The following CCDC146 variants were observed in gnomAD, a reference collection of about 807,000 sequenced individuals.
CCDC146 encodes coiled-coil domain-containing protein 146.
Under a neutral mutation model 119.3 loss-of-function variants are expected in CCDC146, and 92 were observed. The ratio of observed to expected loss-of-function variants is 0.77; its 90% CI spans 0.65 to 0.92. The LOEUF (loss-of-function observed/expected upper bound fraction) is 0.92, where lower values mean the gene tolerates loss of function less well. Among genes scored for constraint, CCDC146 ranks in the 40% least tolerant of loss-of-function variants. CCDC146 has a pLI of 0.00. For missense variants in CCDC146, 1,000 were observed against 1,103.0 expected (o/e 0.91, Z 1.32); for synonymous variants, 372 against 371.8 (o/e 1.00, Z -0.01).
intron 4 of CCDC146, among the ~76,000 whole-genome samples, chr7:77,245,071 A>AT (rs970471476): frequency 6.6e-6 from 1 of 152,166 alleles, no homozygotes; most frequent in Non-Finnish European, 1.5e-5. Context: ...AATTTTGTCA[A>AT]TTTTTTTGTG....
intron 11 of CCDC146, among the ~76,000 whole-genome samples, chr7:77,274,886 G>T (rs929408956): frequency 1.3e-5 from 2 of 152,160 alleles, no homozygotes; most frequent in African/African-American, 4.8e-5. Context: ...TGTGGGGTGA[G>T]GGGAGCGGGG....
intron 2 of CCDC146, among the ~76,000 whole-genome samples, chr7:77,212,205 T>A (rs1034181960): frequency 6.6e-6 from 1 of 152,192 alleles, no homozygotes; most frequent in African/African-American, 2.4e-5. Context: ...ATTTTCAAAA[T>A]AAATATACAA....
rs569471735 is a variant in CCDC146, at chr7:77,195,174, C to G, written c.156+27350C>G. The G allele has an allele frequency of 5.9e-5, 9 of 151,356 alleles. No individual in the cohort carries two copies. The South Asian group carries it at 1.3e-3, about 21-fold the overall frequency. 9.4% of individuals were successfully genotyped at this position (151,356 alleles called of 1,614,324 possible). A position where few individuals can be genotyped will look rare whatever the true frequency, so the allele number is the denominator to read the frequency against. ...CCCACATATCCCTACCCACCCCCCC[C>G]AAAAAAACCTACCAGTAGTCTAGTA... On this transcript the variant is annotated intron_variant, in intron 2 of 18. Transcript: ENST00000285871.
intron 14 of CCDC146, 73 bp downstream of exon 14, chr7:77,280,726 T>A (rs1793747609): frequency 1.0e-6 from 1 of 1,002,854 alleles, no homozygotes; most frequent in Admixed American, 2.4e-5. Flanking sequence ...TATCTAGACT[T>A]GACAGTGAAT....
intron 1 of CCDC146, among the ~76,000 whole-genome samples, chr7:77,153,092 A>G (rs1791129700): frequency 6.6e-6 from 1 of 152,202 alleles, no homozygotes; most frequent in African/African-American, 2.4e-5. Context: ...ATCCTGGTAG[A>G]CTAAGTCAAA....
chr7:77,243,104 A>G (rs1483072618), intron 4 of CCDC146, among the ~76,000 whole-genome samples: 1 of 152,254 alleles, frequency 6.6e-6, no homozygotes, highest in African/African-American at 2.4e-5. Context: ...GTTCATTAGC[A>G]TTGAAAATAT....
intron 1 of CCDC146, among the ~76,000 whole-genome samples, chr7:77,129,243 C>G (rs1266571455): frequency 6.6e-6 from 1 of 152,106 alleles, no homozygotes; most frequent in Non-Finnish European, 1.5e-5. Context: ...CTACCCTACC[C>G]ACCCAATTGT....
At chr7:77,139,612 T>C (rs1438626499) in intron 1 of CCDC146, among the ~76,000 whole-genome samples, 2 of 152,114 alleles carry the variant, frequency 1.3e-5, no homozygotes, top group Non-Finnish European at 2.9e-5. Flanking sequence ...TATGCACATA[T>C]GGGAACAAGG....
Position 77,147,147 on chromosome 7 carries a change from CA to C in CCDC146, c.-11-20510del, listed in dbSNP as rs1791033962. ...TTTCTCTAAACTTCTGTTCTTACTT[CA>C]TTTCATTCATTTGATCTTCAATCAC... is the stretch of plus-strand genomic sequence containing the variant. On this transcript the variant is annotated intron_variant, in intron 1 of 18. Transcript: ENST00000285871. 3.3e-5 allele frequency among the ~76,000 whole-genome samples: 5 copies of C among 152,312 alleles called. No individual in the cohort carries two copies. In the South Asian group the frequency reaches 1.0e-3, roughly 32 times the overall value.
chr7:77,147,851 G>T (rs529506753), intron 1 of CCDC146, among the ~76,000 whole-genome samples: 1 of 152,350 alleles, frequency 6.6e-6, no homozygotes, highest in African/African-American at 2.4e-5. Context: ...AGGCTACTCG[G>T]AGGTCAGGGA....
At chr7:77,237,685 A>G (rs1014061464) in intron 3 of CCDC146, among the ~76,000 whole-genome samples, 3 of 152,104 alleles carry the variant, frequency 2.0e-5, no homozygotes, top group African/African-American at 7.2e-5. Flanking sequence ...TCCCCATATC[A>G]CAAGCTACTT....
intron 1 of CCDC146, among the ~76,000 whole-genome samples, chr7:77,137,122 A>C (rs1374896276): frequency 2.0e-5 from 3 of 152,134 alleles, no homozygotes; most frequent in Non-Finnish European, 2.9e-5. Context: ...CTTGCTAAAG[A>C]ATATCTATAT....
chr7:77,221,603 G>A (rs1792404509), intron 2 of CCDC146, among the ~76,000 whole-genome samples: 1 of 152,174 alleles, frequency 6.6e-6, no homozygotes, highest in African/African-American at 2.4e-5. Flanking sequence ...GAGTCTTCAG[G>A]CATGTGCTGA....
chr7:77,143,436 CA>C (rs1232332812), intron 1 of CCDC146, among the ~76,000 whole-genome samples: 1 of 151,764 alleles, frequency 6.6e-6, no homozygotes, highest in African/African-American at 2.4e-5. Context: ...TCCCATTTAT[CA>C]ATTTTGGCTT....
chr7:77,165,887 G>A (rs1299398113), intron 1 of CCDC146, among the ~76,000 whole-genome samples: 3 of 152,210 alleles, frequency 2.0e-5, no homozygotes, highest in African/African-American at 7.2e-5. Flanking sequence ...AAAATCTCCA[G>A]TTTTGAAAAT....
At chr7:77,133,421 G>A (rs977973939) in intron 1 of CCDC146, among the ~76,000 whole-genome samples, 2 of 151,940 alleles carry the variant, frequency 1.3e-5, no homozygotes, top group Non-Finnish European at 2.9e-5. Flanking sequence ...TGTGATCTTG[G>A]CTCACTGCAA....
In CCDC146 at chr7:77,207,903, G is replaced by A. The variant is rs75334926; in HGVS notation, c.157-29044G>A. Among the ~76,000 whole-genome samples, 1,297 of 152,294 alleles carry A rather than the reference G, an allele frequency of 8.5e-3. 20 individuals are homozygous for A. The highest frequency in any genetic ancestry group is 0.029 in the African/African-American group (1,219 of 41,556). On this transcript the variant is annotated intron_variant, in intron 2 of 18. Coordinates refer to ENST00000285871, the MANE Select transcript of CCDC146 (RefSeq NM_020879.3). Reference sequence around the variant, plus strand: ...ACTTTAAATCATTCTACTAGAAAATGTACAGATCTACCTCTTTTTAGGTAT... The same window carrying A: ...ACTTTAAATCATTCTACTAGAAAATATACAGATCTACCTCTTTTTAGGTAT...
At chr7:77,217,690 T>G (rs2150457456) in intron 2 of CCDC146, among the ~76,000 whole-genome samples, 1 of 151,912 alleles carries the variant, frequency 6.6e-6, no homozygotes, top group African/African-American at 2.4e-5. Flanking sequence ...CATCATAGAG[T>G]GTACTTACAC....
intron 4 of CCDC146, among the ~76,000 whole-genome samples, chr7:77,251,854 T>C (rs12704841): frequency 0.81 from 123,582 of 152,186 alleles, 51,730 homozygotes; most frequent in South Asian, 0.94. Context: ...TGAATAAAAA[T>C]GAACAGATCC....
Sources: gnomAD v4.1 joint callset for allele counts (sites outside exome capture counted in the v4.1 genomes callset) on GRCh38, gnomAD v4.1.1 for gene constraint, MANE v1.5 for transcripts, NCBI Gene and HGNC (gene_info 2026-07-23, HGNC 2026-07-21) for gene names.